The following MITD1 variants were observed in gnomAD, a reference collection of about 807,000 sequenced individuals.
The protein encoded by MITD1 is MIT domain-containing protein 1.
MITD1 carries 24 observed loss-of-function variants against 34.9 expected under a neutral mutation model. That is an observed-to-expected ratio of 0.69 (90% confidence interval 0.50 to 0.97). The LOEUF (loss-of-function observed/expected upper bound fraction) is 0.97. Among genes scored for constraint, MITD1 ranks in the 50% least tolerant of loss-of-function variants. The pLI, the probability that MITD1 is intolerant of heterozygous loss-of-function variation, is 0.00. For synonymous variants in MITD1, 102 were observed against 101.4 expected, an observed-to-expected ratio of 1.01 and a Z score of -0.04; for missense variants, 266 against 294.6, an observed-to-expected ratio of 0.90 and a Z score of 0.71.
chr2:99,173,263 G>T (rs967397924), intron 2 of MITD1: 7 of 292,150 alleles, frequency 2.4e-5, no homozygotes, highest in African/African-American at 1.5e-4. Flanking sequence ...AAAAGCTGGG[G>T]CCTGGGGGCA....
Position 99,170,537 on chromosome 2 carries a change from C to T in MITD1, c.593G>A (p.Arg198Lys), listed in dbSNP as rs2093850152. Residue 198 changes from arginine (R) to lysine (K), a missense_variant and splice_region_variant, in exon 5 of 7, where the codon AGG (arginine) becomes AAG (lysine). Transcript: ENST00000289359. ...YSSSIHDREI[R>K]FNNGWMIKIG... Reference sequence around the variant, plus strand: ...AATTAAAACATTATTGTAGACTAACCTAATTTCTCGGTCATGTATTGAAGA... The same window carrying T: ...AATTAAAACATTATTGTAGACTAACTTAATTTCTCGGTCATGTATTGAAGA... The T allele has an allele frequency of 2.8e-6, 4 of 1,427,154 alleles. No homozygotes were observed. In the East Asian group the frequency reaches 6.9e-5, roughly 25 times the overall value. 88.4% of individuals were successfully genotyped at this position (1,427,154 alleles called of 1,614,324 possible). A position where few individuals can be genotyped will look rare whatever the true frequency, so the allele number is the denominator to read the frequency against.
intron 7 of MITD1, chr2:99,163,289 C>T (rs944466542): frequency 8.8e-6 from 3 of 339,760 alleles, no homozygotes; most frequent in Admixed American, 9.2e-5. Flanking sequence ...CTCTAGGATC[C>T]TCTTTCTTCT....
chr2:99,180,593 T>C, intron 1 of MITD1: 1 of 403,310 alleles, frequency 2.5e-6, no homozygotes. Flanking sequence ...TTATATCTTA[T>C]ATCTCTTAAG....
At chr2:99,171,067 C>T (rs542143716) in intron 4 of MITD1, among the ~76,000 whole-genome samples, 1 of 152,306 alleles carries the variant, frequency 6.6e-6, no homozygotes, top group Non-Finnish European at 1.5e-5. Context: ...CAAAATTGTT[C>T]ATAGTGCAGA....
intron 1 of MITD1, among the ~76,000 whole-genome samples, chr2:99,175,496 G>C (rs1285649772): frequency 3.3e-5 from 5 of 152,148 alleles, no homozygotes; most frequent in Non-Finnish European, 7.3e-5. Flanking sequence ...TTGCTCAGTG[G>C]GTACATGATG....
chr2:99,176,379 C>T (rs886696725), intron 1 of MITD1, among the ~76,000 whole-genome samples: 4 of 150,386 alleles, frequency 2.7e-5, no homozygotes, highest in African/African-American at 9.8e-5. Context: ...GTTGCCCAGG[C>T]TGGAGGCGCA....
In MITD1 at chr2:99,174,346, G is replaced by C. The variant is rs138003086; in HGVS notation, c.152-330C>G. Among the ~76,000 whole-genome samples the C allele has an allele frequency of 5.9e-3, 896 of 152,170 alleles. 11 individuals carry two copies. The highest frequency in any genetic ancestry group is 0.021 in the African/African-American group (859 of 41,524). On this transcript the variant is annotated intron_variant, in intron 1 of 6. Coordinates refer to ENST00000289359, the MANE Select transcript of MITD1 (RefSeq NM_138798.3). ...TTTTATCCTAACTACCCACAAGTTTGAAATTTTTGCATAATTAAAAGTAGC... is the reference window on the plus strand; with the variant it reads ...TTTTATCCTAACTACCCACAAGTTTCAAATTTTTGCATAATTAAAAGTAGC...
At chr2:99,166,710 A>C (rs1334492909), downstream of MITD1, among the ~76,000 whole-genome samples, 3 of 151,084 alleles carry the variant, frequency 2.0e-5, no homozygotes, top group Non-Finnish European at 4.4e-5. Context: ...AGGAATACTG[A>C]CTCTAATTTT....
At chr2:99,165,017 CAT>C (rs1158152863), downstream of MITD1, among the ~76,000 whole-genome samples, 7 of 96,430 alleles carry the variant, frequency 7.3e-5, no homozygotes, top group Admixed American at 4.3e-4. Flanking sequence ...GTCAAAATGG[CAT>C]ACACACACAC....
intron 7 of MITD1, chr2:99,162,940 A>G: frequency 6.2e-7 from 1 of 1,614,016 alleles, no homozygotes; most frequent in Non-Finnish European, 8.5e-7. Context: ...GACAAATTAA[A>G]TTCAAGTCTT....
chr2:99,176,081 C>T (rs1012280423), intron 1 of MITD1, among the ~76,000 whole-genome samples: 2 of 152,048 alleles, frequency 1.3e-5, no homozygotes, highest in East Asian at 1.9e-4. Flanking sequence ...GCTGAGACTA[C>T]AGGCACACAT....
downstream of MITD1, chr2:99,161,872 A>AAGTCT (rs1209917737): frequency 2.4e-6 from 3 of 1,252,168 alleles, no homozygotes; most frequent in Non-Finnish European, 3.3e-6. Context: ...GTTTGGATTA[A>AAGTCT]ATAACCGATA....
chr2:99,171,441 T>G lies in MITD1; in HGVS notation c.391-12A>C. ...AGAAAGTTATACAGCTAAAAGACATTAGAATGGATTATTACTAATTTAGTA... is the reference window on the plus strand; with the variant it reads ...AGAAAGTTATACAGCTAAAAGACATGAGAATGGATTATTACTAATTTAGTA... On this transcript the variant is annotated splice_polypyrimidine_tract_variant and intron_variant, in intron 3 of 6. Transcript: ENST00000289359. 6.2e-7 allele frequency: 1 copy of G among 1,603,710 alleles called. No homozygotes were observed. Among genetic ancestry groups the G allele is most frequent in the Non-Finnish European group, 8.5e-7 (1 of 1,170,928 alleles).
In MITD1 at chr2:99,181,031, C is replaced by T. The variant is rs1478602838; in HGVS notation, c.-50G>A. On this transcript the variant is annotated 5_prime_UTR_variant, in exon 1 of 7. Transcript: ENST00000289359. ...CAACCCAGGATGAAGTTGAGCGGGT[C>T]TGCTGCGCTTCCGGGAAGTGGTCAT... 2.5e-6 allele frequency: 4 copies of T among 1,577,536 alleles called. No individual in the cohort carries two copies. The highest frequency in any genetic ancestry group is 3.6e-5 in the Admixed American group (2 of 55,970).
At chr2:99,162,816 G>A in intron 7 of MITD1, 1 of 1,613,950 alleles carries the variant, frequency 6.2e-7, no homozygotes, top group Non-Finnish European at 8.5e-7. Flanking sequence ...TTCCTTTCAT[G>A]TGTTATATGA....
At chr2:99,166,713 C>CT (rs2093828768), downstream of MITD1, among the ~76,000 whole-genome samples, 3 of 151,458 alleles carry the variant, frequency 2.0e-5, no homozygotes, top group African/African-American at 4.8e-5. Context: ...AATACTGACT[C>CT]TAATTTTATA....
In MITD1 at chr2:99,174,000, AG is replaced by A. The variant is rs1182019835; in HGVS notation, c.167del (p.Thr56IlefsTer20). 1.9e-6 allele frequency: 3 copies of A among 1,546,568 alleles called. No individual in the cohort carries two copies. In the East Asian group the frequency reaches 6.8e-5, roughly 35 times the overall value. On this transcript the variant is annotated frameshift_variant, in exon 2 of 7. Coordinates refer to ENST00000289359, the MANE Select transcript of MITD1 (RefSeq NM_138798.3). LOFTEE classifies it high-confidence loss of function. ...LQVLKGTKDN[T>X]KRCNLREKIS... ...TTTTTTCTCTGAGATTACATCTCTT[AG>A]TATTATCTTTGGTACCTACAAATTT...
At chr2:99,163,143 T>A in intron 7 of MITD1, 1 of 1,147,744 alleles carries the variant, frequency 8.7e-7, no homozygotes, top group Non-Finnish European at 1.2e-6. Flanking sequence ...TTGCACATTG[T>A]ATGTCAAAAA....
At chr2:99,162,962 G>A (rs1420654401) in intron 7 of MITD1, 6 of 1,613,926 alleles carry the variant, frequency 3.7e-6, no homozygotes, top group Admixed American at 1.7e-5. Context: ...TTGGCAGTAA[G>A]TTTTGCCCAA....
Sources: gnomAD v4.1 joint callset for allele counts (sites outside exome capture counted in the v4.1 genomes callset) on GRCh38, gnomAD v4.1.1 for gene constraint, MANE v1.5 for transcripts, NCBI Gene and HGNC (gene_info 2026-07-23, HGNC 2026-07-21) for gene names.